The following NCOA4 variants were observed in gnomAD, a reference collection of about 807,000 sequenced individuals.
The protein encoded by NCOA4 is nuclear receptor coactivator 4.
NCOA4 carries 31 observed loss-of-function variants against 69.5 expected under a neutral mutation model. That is an observed-to-expected ratio of 0.45 (90% confidence interval 0.34 to 0.60). The LOEUF (loss-of-function observed/expected upper bound fraction) is 0.60, where lower values mean the gene tolerates loss of function less well. Among genes scored for constraint, NCOA4 ranks in the 20% least tolerant of loss-of-function variants. NCOA4 has a pLI of 0.02. For synonymous variants in NCOA4, 228 were observed against 252.4 expected, an observed-to-expected ratio of 0.90 and a Z score of 0.92; for missense variants, 600 against 719.2, an observed-to-expected ratio of 0.83 and a Z score of 1.90.
chr10:46,029,253 G>A (rs1286317115), intron 1 of NCOA4, among the ~76,000 whole-genome samples: 3 of 152,124 alleles, frequency 2.0e-5, no homozygotes, highest in South Asian at 2.1e-4. Context: ...GAGACCCAAG[G>A]ACAAAGGCTC....
At chr10:46,024,867 T>C (rs1451135079) in intron 1 of NCOA4, among the ~76,000 whole-genome samples, 1 of 152,226 alleles carries the variant, frequency 6.6e-6, no homozygotes, top group African/African-American at 2.4e-5. Flanking sequence ...CCCATTTGCC[T>C]ACAGGATAAA....
intron 1 of NCOA4, among the ~76,000 whole-genome samples, chr10:46,027,132 G>T (rs782037209): frequency 1.3e-5 from 2 of 151,872 alleles, no homozygotes; most frequent in African/African-American, 4.8e-5. Flanking sequence ...TTAGCTGGGC[G>T]TTGTGGCGGG....
intron 1 of NCOA4, among the ~76,000 whole-genome samples, chr10:46,024,494 A>T (rs1321399475): frequency 6.6e-6 from 1 of 152,136 alleles, no homozygotes; most frequent in Non-Finnish European, 1.5e-5. Flanking sequence ...CTACTCCCCT[A>T]TGTATATGTT....
chr10:46,022,588 G>A (rs80209787), intron 1 of NCOA4: 7,235 of 393,222 alleles, frequency 0.018, 500 homozygotes, highest in African/African-American at 0.14. Context: ...AGCCTCCCAG[G>A]TAGCTGGGAC....
intron 6 of NCOA4, 99 bp from the exon 7 acceptor site, chr10:46,013,125 A>C (rs1247735496): frequency 8.8e-7 from 1 of 1,132,160 alleles, no homozygotes; most frequent in Non-Finnish European, 1.3e-6. Flanking sequence ...GACCCTGGGC[A>C]AATCATGTGC....
intron 5 of NCOA4, among the ~76,000 whole-genome samples, chr10:46,014,189 G>T (rs1245376294): frequency 1.3e-5 from 2 of 151,984 alleles, no homozygotes; most frequent in Non-Finnish European, 2.9e-5. Flanking sequence ...TAATTTTTTT[G>T]TATTTTTAAT....
chr10:46,012,942 T>C lies in NCOA4; in HGVS notation c.655A>G (p.Ile219Val), dbSNP rs370206233. 3.6e-5 allele frequency: 58 copies of C among 1,614,186 alleles called. No homozygotes were observed. Among genetic ancestry groups the C allele is most frequent in the Non-Finnish European group, 4.8e-5 (57 of 1,180,026 alleles). ...KPASGYQAPY[I>V]PSTDPQDWLT... ...CAGTCCTGGGGGTCGGTGCTGGGTA[T>C]GTAAGGAGCTTGATAACCACTGGCA... The change falls in exon 7 of 10, where the codon ATA (isoleucine) becomes GTA (valine). Residue 219 changes from isoleucine to valine, a missense_variant. Coordinates refer to ENST00000581486, the MANE Select transcript of NCOA4 (RefSeq NM_001145263.2).
intron 7 of NCOA4, among the ~76,000 whole-genome samples, chr10:46,011,631 AAAGG>A (rs1276135267): frequency 6.6e-6 from 1 of 152,166 alleles, no homozygotes; most frequent in Non-Finnish European, 1.5e-5. Context: ...CACAAAGCCA[AAAGG>A]CAAGGGATTT....
chr10:46,010,098 G>A, intron 8 of NCOA4, 125 bp downstream of exon 8: 4 of 1,211,764 alleles, frequency 3.3e-6, no homozygotes, highest in South Asian at 1.6e-5. Context: ...AGCCTCGGAA[G>A]GGGAGGTTGC....
At position 46,014,836 on chromosome 10, in the gene NCOA4, C is replaced by T. The variant is rs782066567; in HGVS notation, c.371+18G>A. On this transcript the variant is annotated intron_variant, in intron 4 of 9. Transcript: ENST00000581486. ...AGTTCAAGAGTCAAAAGTTAAAATA[C>T]GCAAAAAGGGTCATTACCTCTCCAG... The T allele has an allele frequency of 1.6e-5, 26 of 1,597,484 alleles. No individual in the cohort carries two copies. Among genetic ancestry groups the T allele is most frequent in the South Asian group, 6.8e-5 (6 of 88,508 alleles).
At position 46,009,046 on chromosome 10, in the gene NCOA4, A is replaced by T. The variant is rs1414689221; in HGVS notation, c.1839+365T>A. 3 of 915,412 alleles carry T rather than the reference A, an allele frequency of 3.3e-6. No homozygotes were observed. The African/African-American group carries it at 5.0e-5, about 15-fold the overall frequency. 56.7% of individuals were successfully genotyped at this position (915,412 alleles called of 1,614,324 possible). ...TGTATTATATACAACTTTTATATGCAATGGGAAACCAAAGTATTTGTGTAG... is the reference window on the plus strand; with the variant it reads ...TGTATTATATACAACTTTTATATGCTATGGGAAACCAAAGTATTTGTGTAG... On this transcript the variant is annotated intron_variant, in intron 9 of 9. Coordinates refer to ENST00000581486, the MANE Select transcript of NCOA4 (RefSeq NM_001145263.2).
In NCOA4 at chr10:46,010,854, T is replaced by C; in HGVS notation, c.1067A>G (p.Lys356Arg). Reference sequence around the variant, plus strand: ...GCCCAGGTTTTCAATCTCCACACCTTTGGGCTGGTTTCCCTGACAGTTGGT... The same window carrying C: ...GCCCAGGTTTTCAATCTCCACACCTCTGGGCTGGTTTCCCTGACAGTTGGT... The part of the protein sequence containing the change: ...SCTNCQGNQP[K>R]GVEIENLGNL... The change falls in exon 8 of 10, where the codon AAA becomes AGA. Residue 356 changes from lysine (K) to arginine (R), a missense_variant. Transcript: ENST00000581486. 1 of 1,613,986 alleles carries C rather than the reference T, an allele frequency of 6.2e-7. No homozygotes were observed. Among genetic ancestry groups the C allele is most frequent in the Non-Finnish European group, 8.5e-7 (1 of 1,179,864 alleles).
chr10:46,029,903 G>T (rs577439742), intron 1 of NCOA4, among the ~76,000 whole-genome samples: 1 of 152,226 alleles, frequency 6.6e-6, no homozygotes, highest in East Asian at 1.9e-4. Context: ...ATGAACCAAT[G>T]AATGAGCAAG....
chr10:46,009,462 A>G lies in NCOA4; in HGVS notation c.1788T>C (p.Cys596=), dbSNP rs1324801860. The G allele has an allele frequency of 2.5e-6, 4 of 1,612,832 alleles. No individual in the cohort carries two copies. The highest frequency in any genetic ancestry group is 1.3e-5 in the African/African-American group (1 of 74,906). Residue 596 remains cysteine, a synonymous_variant, in exon 9 of 10, where the codon TGT becomes TGC. Transcript: ENST00000581486. The part of the protein sequence containing the change: ...GLPAVCDLFA[C]MQLKVDKEKW... ...TCTCTTTATCAACTTTAAGCTGCAT[A>G]CAGGCAAAGAGATCACAAACTGCAG...
At chr10:46,009,572 A>T (rs1275934274) in intron 8 of NCOA4, 21 bp from the exon 9 acceptor site, 1 of 1,593,976 alleles carries the variant, frequency 6.3e-7, no homozygotes, top group African/African-American at 1.4e-5. Context: ...AGAAAAGAGT[A>T]GGTTGCTTCA....
intron 1 of NCOA4, among the ~76,000 whole-genome samples, chr10:46,018,188 T>C (rs980078077): frequency 1.3e-5 from 2 of 152,146 alleles, no homozygotes; most frequent in East Asian, 3.8e-4. Context: ...ATTACCTGTA[T>C]GAAAACACAC....
chr10:46,009,790 A>G (rs1469012330), intron 8 of NCOA4, among the ~76,000 whole-genome samples: 1 of 152,230 alleles, frequency 6.6e-6, no homozygotes, highest in Non-Finnish European at 1.5e-5. Context: ...GCACAAAAAA[A>G]TCATAAATCC....
chr10:46,020,299 C>G (rs1262105169), intron 1 of NCOA4, among the ~76,000 whole-genome samples: 3 of 152,170 alleles, frequency 2.0e-5, no homozygotes, highest in Non-Finnish European at 2.9e-5. Flanking sequence ...GACCCCTGAG[C>G]TAGTAACATA....
Position 46,014,842 on chromosome 10 carries a change from A to C in NCOA4, c.371+12T>G. 6.2e-7 allele frequency: 1 copy of C among 1,607,010 alleles called. No homozygotes were observed. Among genetic ancestry groups the C allele is most frequent in the Non-Finnish European group, 8.5e-7 (1 of 1,176,392 alleles). On this transcript the variant is annotated intron_variant, in intron 4 of 9. Transcript: ENST00000581486. Reference sequence around the variant, plus strand: ...AGAGTCAAAAGTTAAAATACGCAAAAAGGGTCATTACCTCTCCAGGCACAC... The same window carrying C: ...AGAGTCAAAAGTTAAAATACGCAAACAGGGTCATTACCTCTCCAGGCACAC...
Sources: allele counts gnomAD v4.1 joint callset (sites outside exome capture counted in the v4.1 genomes callset), GRCh38; gene constraint gnomAD v4.1.1; transcripts MANE v1.5; gene names NCBI Gene and HGNC (gene_info 2026-07-23, HGNC 2026-07-21).